OLFM3: variants seen among roughly 807,000 people sequenced by gnomAD.
OLFM3 encodes olfactomedin 3, also known as noelin-3.
A neutral mutation model predicts 48.6 loss-of-function variants in OLFM3; 20 were observed. The ratio of observed to expected loss-of-function variants is 0.41; its 90% CI spans 0.29 to 0.60. OLFM3 has a LOEUF of 0.60. OLFM3 is among the 20% of genes least tolerant of loss of function. The pLI, the probability that OLFM3 is intolerant of heterozygous loss-of-function variation, is 0.28. For missense variants in OLFM3, 437 were observed against 544.3 expected (o/e 0.80, Z 1.96); for synonymous variants, 222 against 198.1 (o/e 1.12, Z -1.01).
intron 1 of OLFM3, among the ~76,000 whole-genome samples, chr1:101,858,793 T>C (rs559638606): frequency 6.6e-6 from 1 of 152,240 alleles, no homozygotes; most frequent in African/African-American, 2.4e-5. Context: ...TCCCCAGCCA[T>C]GCTTCCTGTA....
At chr1:101,979,684 C>G (rs1049546304) in intron 1 of OLFM3, among the ~76,000 whole-genome samples, 4 of 152,196 alleles carry the variant, frequency 2.6e-5, no homozygotes, top group African/African-American at 7.2e-5. Flanking sequence ...TGGAAAACCT[C>G]TGCTAGGGCG....
chr1:101,921,487 G>T (rs1347054586), intron 1 of OLFM3, among the ~76,000 whole-genome samples: 1 of 152,192 alleles, frequency 6.6e-6, no homozygotes, highest in Non-Finnish European at 1.5e-5. Flanking sequence ...AGTTAAAGCT[G>T]GTGTAGGCTC....
intron 1 of OLFM3, among the ~76,000 whole-genome samples, chr1:101,974,636 AGCACT>A (rs916136029): frequency 5.3e-5 from 8 of 152,270 alleles, no homozygotes; most frequent in African/African-American, 1.9e-4. Flanking sequence ...TCTTGAAAAA[AGCACT>A]GCTTTAACCT....
chr1:101,912,285 T>A (rs1658785953), intron 1 of OLFM3, among the ~76,000 whole-genome samples: 1 of 151,992 alleles, frequency 6.6e-6, no homozygotes, highest in Admixed American at 6.6e-5. Context: ...GTGCAAGGAG[T>A]TTAACACTTT....
intron 1 of OLFM3, among the ~76,000 whole-genome samples, chr1:101,974,054 A>G (rs964039947): frequency 2.0e-5 from 3 of 151,156 alleles, no homozygotes; most frequent in Admixed American, 1.3e-4. Flanking sequence ...TTTACAATGC[A>G]TATATACAAG....
At position 101,830,810 on chromosome 1, in the gene OLFM3, C is replaced by T. The variant is rs1441646468; in HGVS notation, c.234G>A (p.Gln78=). 1.9e-6 allele frequency: 3 copies of T among 1,613,706 alleles called. No individual in the cohort carries two copies. In the African/African-American group the frequency reaches 4.0e-5, roughly 22 times the overall value. The change falls in exon 3 of 6, where the codon CAG becomes CAA. Residue 78 remains glutamine, a synonymous_variant. Transcript: ENST00000370103. ...QLLEKVQNMS[Q]SIEVLNLRTQ... is the part of the protein sequence containing the mutation. ...TTCTCAAGTTTAAGACTTCAATAGA[C>T]TGGGACATGTTCTGAACCTGTTGAA...
intron 1 of OLFM3, among the ~76,000 whole-genome samples, chr1:101,850,139 A>G (rs1656165812): frequency 9.3e-6 from 1 of 107,718 alleles, no homozygotes; most frequent in South Asian, 2.4e-4. Context: ...CTTCAAAATA[A>G]CAAACCAAAA....
chr1:101,925,274 T>A (rs1659236142), intron 1 of OLFM3, among the ~76,000 whole-genome samples: 1 of 151,962 alleles, frequency 6.6e-6, no homozygotes, highest in African/African-American at 2.4e-5. Context: ...TCTATAATAT[T>A]TGTATTTTCC....
chr1:101,952,517 T>C (rs1221429989), intron 1 of OLFM3, among the ~76,000 whole-genome samples: 1 of 152,016 alleles, frequency 6.6e-6, no homozygotes, highest in Non-Finnish European at 1.5e-5. Flanking sequence ...TGGGATGAAA[T>C]AAGAAAAAGA....
intron 1 of OLFM3, among the ~76,000 whole-genome samples, chr1:101,977,540 G>C (rs1215386740): frequency 6.6e-6 from 1 of 152,078 alleles, no homozygotes; most frequent in Non-Finnish European, 1.5e-5. Flanking sequence ...GGGACACTAA[G>C]GATCACTAGT....
chr1:101,844,134 G>A (rs1433643919), intron 1 of OLFM3, among the ~76,000 whole-genome samples: 1 of 152,136 alleles, frequency 6.6e-6, no homozygotes, highest in Non-Finnish European at 1.5e-5. Flanking sequence ...TATTTGAGAG[G>A]CAGCAGGAAG....
At chr1:101,850,896 G>A (rs1421422202) in intron 1 of OLFM3, among the ~76,000 whole-genome samples, 1 of 151,608 alleles carries the variant, frequency 6.6e-6, no homozygotes, top group South Asian at 2.1e-4. Flanking sequence ...ATACAGGGCT[G>A]AAGAAATTAT....
intron 2 of OLFM3, among the ~76,000 whole-genome samples, chr1:101,833,340 T>G (rs1655255214): frequency 6.6e-6 from 1 of 152,318 alleles, no homozygotes; most frequent in South Asian, 2.1e-4. Context: ...TGGCCAGGAT[T>G]TGGCTTCAGG....
At chr1:101,962,277 C>T (rs35337065) in intron 1 of OLFM3, among the ~76,000 whole-genome samples, 21,706 of 152,062 alleles carry the variant, frequency 0.14, 2,133 homozygotes, top group Non-Finnish European at 0.19. Flanking sequence ...ATCCCACCCC[C>T]TTCAATCTGG....
intron 1 of OLFM3, among the ~76,000 whole-genome samples, chr1:101,987,462 G>C (rs754276189): frequency 6.6e-6 from 1 of 152,088 alleles, no homozygotes; most frequent in Non-Finnish European, 1.5e-5. Flanking sequence ...ATTTCAGTTT[G>C]TTTTTACTAC....
At chr1:101,978,506 A>G (rs2101105612) in intron 1 of OLFM3, among the ~76,000 whole-genome samples, 1 of 152,304 alleles carries the variant, frequency 6.6e-6, no homozygotes, top group African/African-American at 2.4e-5. Flanking sequence ...AGCTCAAATA[A>G]AATTTGTAGA....
intron 4 of OLFM3, among the ~76,000 whole-genome samples, chr1:101,821,672 A>G (rs1196362193): frequency 6.6e-6 from 1 of 152,116 alleles, no homozygotes; most frequent in East Asian, 1.9e-4. Flanking sequence ...GTTTGTGACA[A>G]TGGCCCCTCT....
At chr1:101,958,388 A>T (rs1211434625) in intron 1 of OLFM3, among the ~76,000 whole-genome samples, 1 of 151,954 alleles carries the variant, frequency 6.6e-6, no homozygotes, top group Non-Finnish European at 1.5e-5. Flanking sequence ...GATGTTATTG[A>T]TCCTGTTCTA....
chr1:101,878,605 T>TA (rs376035777), intron 1 of OLFM3, among the ~76,000 whole-genome samples: 91 of 151,982 alleles, frequency 6.0e-4, no homozygotes, highest in African/African-American at 2.1e-3. Context: ...GACAAGATTC[T>TA]AGTATTGACC....
Sources: gnomAD v4.1 joint callset for allele counts (sites outside exome capture counted in the v4.1 genomes callset) on GRCh38, gnomAD v4.1.1 for gene constraint, MANE v1.5 for transcripts, NCBI Gene and HGNC (gene_info 2026-07-23, HGNC 2026-07-21) for gene names.